The following SGCD variants were observed in gnomAD, a reference collection of about 807,000 sequenced individuals.
The protein encoded by SGCD is sarcoglycan delta.
In SGCD, 18 loss-of-function variants were observed where a neutral mutation model predicts 36.6. That is an observed-to-expected ratio of 0.49 (90% CI 0.34 to 0.73). The LOEUF (loss-of-function observed/expected upper bound fraction) is 0.73. SGCD is among the 30% of genes least tolerant of loss of function. SGCD has a pLI of 0.01. For synonymous variants in SGCD, 133 were observed against 130.6 expected (o/e 1.02, Z -0.12); for missense variants, 387 against 346.7 (o/e 1.12, Z -0.92).
At chr5:156,664,065 T>TTGAATAGTTATATTC (rs1764043917) in intron 7 of SGCD, among the ~76,000 whole-genome samples, 1 of 74,558 alleles carries the variant, frequency 1.3e-5, no homozygotes, top group Non-Finnish European at 2.5e-5. Context: ...TTGTAGTTGC[T>TTGAATAGTTATATTC]TGAATAGTTA....
chr5:155,851,716 A>G, the SGCD span, among the ~76,000 whole-genome samples: 1 of 152,146 alleles, frequency 6.6e-6, no homozygotes, highest in African/African-American at 2.4e-5. Flanking sequence ...TCCTGGCCTC[A>G]TGGACTTTCA....
intron 6 of SGCD, among the ~76,000 whole-genome samples, chr5:156,632,940 T>A (rs1286583976): frequency 1.3e-5 from 2 of 152,180 alleles, no homozygotes; most frequent in African/African-American, 4.8e-5. Context: ...AAACAGAGTA[T>A]TCATTGCAAG....
chr5:156,467,579 T>C (rs1232060864), intron 3 of SGCD, among the ~76,000 whole-genome samples: 1 of 152,244 alleles, frequency 6.6e-6, no homozygotes, highest in Non-Finnish European at 1.5e-5. Context: ...TGGAGCATGA[T>C]GACATATGTA....
intron 6 of SGCD, among the ~76,000 whole-genome samples, chr5:156,610,740 G>T (rs56810669): frequency 0.016 from 2,481 of 152,346 alleles, 68 homozygotes; most frequent in African/African-American, 0.056. Context: ...CCTCGGCAAA[G>T]GTGGGCGCCC....
intron 6 of SGCD, among the ~76,000 whole-genome samples, chr5:156,600,669 C>A (rs1468449608): frequency 6.6e-6 from 1 of 152,088 alleles, no homozygotes; most frequent in African/African-American, 2.4e-5. Flanking sequence ...GTATTGATTT[C>A]ATTTACTTTG....
At chr5:155,825,713 T>C in the SGCD span, among the ~76,000 whole-genome samples, 15 of 113,260 alleles carry the variant, frequency 1.3e-4, no homozygotes, top group East Asian at 4.0e-3. Context: ...TCTTAGATGT[T>C]TGACTTTATT....
At chr5:156,372,644 A>T (rs1231632081) in intron 3 of SGCD, among the ~76,000 whole-genome samples, 9 of 152,186 alleles carry the variant, frequency 5.9e-5, no homozygotes, top group Admixed American at 5.2e-4. Context: ...AGGCAGGGCT[A>T]GCAATTTATT....
At chr5:155,823,329 G>T in the SGCD span, among the ~76,000 whole-genome samples, 23 of 151,678 alleles carry the variant, frequency 1.5e-4, no homozygotes, top group Non-Finnish European at 2.2e-4. Flanking sequence ...AAAAAGGTCG[G>T]GGGGTGGTGG....
chr5:156,284,632 C>T (rs1401315044), intron 3 of SGCD, among the ~76,000 whole-genome samples: 1 of 152,124 alleles, frequency 6.6e-6, no homozygotes, highest in African/African-American at 2.4e-5. Flanking sequence ...GCCCTTCATG[C>T]TAAAAACTCT....
chr5:155,858,308 T>A, the SGCD span, among the ~76,000 whole-genome samples: 2 of 152,180 alleles, frequency 1.3e-5, no homozygotes, highest in Non-Finnish European at 2.9e-5. Flanking sequence ...GGTGGATAGA[T>A]TCATGATGTT....
At chr5:155,865,692 A>G (rs1755510043), upstream of SGCD, among the ~76,000 whole-genome samples, 1 of 152,224 alleles carries the variant, frequency 6.6e-6, no homozygotes, top group Non-Finnish European at 1.5e-5. Flanking sequence ...AGCTCTCCAA[A>G]TGCTGACACA....
At chr5:156,009,354 C>A (rs1758813181) in intron 1 of SGCD, among the ~76,000 whole-genome samples, 1 of 152,138 alleles carries the variant, frequency 6.6e-6, no homozygotes, top group Non-Finnish European at 1.5e-5. Context: ...TTGGAGGTGC[C>A]AATTTCTATT....
chr5:156,580,053 G>A (rs1341547852), intron 4 of SGCD, among the ~76,000 whole-genome samples: 2 of 152,160 alleles, frequency 1.3e-5, no homozygotes, highest in Non-Finnish European at 2.9e-5. Context: ...GGCTGGTACA[G>A]GTTGTTCCTT....
chr5:156,761,659 T>G lies in SGCD; in HGVS notation c.*2269T>G, dbSNP rs1757502402. 1 of 152,192 alleles carries G rather than the reference T, an allele frequency of 6.6e-6. No individual in the cohort carries two copies. Among genetic ancestry groups the G allele is most frequent in the Admixed American group, 6.5e-5 (1 of 15,278 alleles). The allele number at this position is 152,192 out of a possible 1,614,324, so 9.4% of individuals were successfully genotyped here. On this transcript the variant is annotated 3_prime_UTR_variant, in exon 9 of 9. Transcript: ENST00000337851. ...AGTAGACTGTCTTTGCATTTTGCCA[T>G]CTGAAGTTCATTAATCTTTAGATGA... is the stretch of plus-strand genomic sequence containing the variant.
At chr5:155,847,291 C>T in the SGCD span, among the ~76,000 whole-genome samples, 3,404 of 152,094 alleles carry the variant, frequency 0.022, 112 homozygotes, top group African/African-American at 0.077. Flanking sequence ...AAGTAATTTC[C>T]CCAACATCAC....
chr5:156,624,623 G>A (rs1762377156), intron 6 of SGCD, among the ~76,000 whole-genome samples: 1 of 152,048 alleles, frequency 6.6e-6, no homozygotes, highest in African/African-American at 2.4e-5. Context: ...TCTTACTCTT[G>A]TGGTACAGCC....
intron 3 of SGCD, among the ~76,000 whole-genome samples, chr5:156,194,377 T>G (rs1179603688): frequency 2.6e-5 from 4 of 151,578 alleles, no homozygotes; most frequent in Non-Finnish European, 5.9e-5. Context: ...AGACCCTGTC[T>G]CCAAAAAAGA....
intron 3 of SGCD, among the ~76,000 whole-genome samples, chr5:156,271,630 T>G (rs1435934644): frequency 6.6e-6 from 1 of 152,158 alleles, no homozygotes; most frequent in Non-Finnish European, 1.5e-5. Context: ...GAGATGTGTG[T>G]GTATGTGTGT....
At chr5:156,310,993 T>TA in intron 3 of SGCD, among the ~76,000 whole-genome samples, 1 of 152,248 alleles carries the variant, frequency 6.6e-6, no homozygotes, top group Middle Eastern at 3.4e-3. Context: ...AGAGGAGCAG[T>TA]AAAAATTTCT....
Sources: gnomAD v4.1 joint callset for allele counts (sites outside exome capture counted in the v4.1 genomes callset) on GRCh38, gnomAD v4.1.1 for gene constraint, MANE v1.5 for transcripts, NCBI Gene and HGNC (gene_info 2026-07-23, HGNC 2026-07-21) for gene names.